The following FOXL3 variants were observed in gnomAD, a reference collection of about 807,000 sequenced individuals.
FOXL3 encodes the protein forkhead box L3, also known as forkhead box protein L3.
FOXL3 carries 16 observed loss-of-function variants against 10.9 expected under a neutral mutation model. The ratio of observed to expected loss-of-function variants is 1.46; its 90% CI spans 0.99 to 2.22. FOXL3 has a LOEUF of 2.22. Among genes scored for constraint, FOXL3 ranks in the 30% most tolerant of loss-of-function variants. FOXL3 has a pLI of 0.00. For synonymous variants in FOXL3, 170 were observed against 152.0 expected (o/e 1.12, Z -0.87); for missense variants, 400 against 337.9 (o/e 1.18, Z -1.44).
At chr7:290,365 A>G (rs575724487) in intron 1 of FOXL3, 89 bp downstream of exon 1, 2 of 1,057,360 alleles carry the variant, frequency 1.9e-6, no homozygotes, top group Non-Finnish European at 2.8e-6. Flanking sequence ...GGGACGAAGG[A>G]AGGGCGGGGG....
chr7:290,271 G>C lies in FOXL3; in HGVS notation c.102G>C (p.Ala34=), dbSNP rs986324566. 4 of 1,535,606 alleles carry C rather than the reference G, an allele frequency of 2.6e-6. No individual in the cohort carries two copies. The East Asian group carries it at 9.8e-5, about 38-fold the overall frequency. ...SDEDKRLTRP[A]YSYIALIAMA... ...AAGACAAGAGGCTCACGCGGCCCGC[G>C]TACAGGTGACTGCGGGGGCGGTGCT... The change falls in exon 1 of 3, where the codon GCG becomes GCC. Residue 34 remains alanine (A), a synonymous_variant. Transcript: ENST00000506382.
In FOXL3 at chr7:290,756, G is replaced by T. The variant is rs1164087248; in HGVS notation, c.211G>T (p.Ala71Ser). ...FIMRKFPYYRANQRAWQNSIR... is the reference protein window; with the variant it reads ...FIMRKFPYYRSNQRAWQNSIR... Reference sequence around the variant, plus strand: ...CATGCGCAAATTCCCCTATTACCGCGCCAACCAGCGCGCCTGGCAGAACTC... The same window carrying T: ...CATGCGCAAATTCCCCTATTACCGCTCCAACCAGCGCGCCTGGCAGAACTC... The change falls in exon 2 of 3, where the codon GCC becomes TCC. Residue 71 changes from alanine to serine, a missense_variant. Transcript: ENST00000506382. The T allele has an allele frequency of 1.3e-6, 2 of 1,491,746 alleles. No individual in the cohort carries two copies. The highest frequency in any genetic ancestry group is 1.8e-6 in the Non-Finnish European group (2 of 1,125,078). The allele number at this position is 1,491,746 out of a possible 1,614,324, so 92.4% of individuals were successfully genotyped here.
Position 291,442 on chromosome 7 carries a change from G to A in FOXL3, c.656G>A (p.Arg219Lys). The stretch of plus-strand genomic sequence containing the variant: ...CCGCCCTGCCTCGCACAAGAGGGCA[G>A]ATACCCGCGGCTGGAGAACGTGGGA... ...LKPPCLAQEG[R>K]YPRLENVGLH... is the part of the protein sequence containing the mutation. The change falls in exon 3 of 3, where the codon AGA becomes AAA. Residue 219 changes from arginine (R) to lysine (K), a missense_variant. Arg to Lys is a conservative substitution (Grantham distance 26). Coordinates refer to ENST00000506382, the MANE Select transcript of FOXL3 (RefSeq NM_001374838.1). 1.6e-6 allele frequency: 2 copies of A among 1,241,726 alleles called. No homozygotes were observed. The highest frequency in any genetic ancestry group is 3.1e-5 in the East Asian group (1 of 31,808). 76.9% of individuals were successfully genotyped at this position (1,241,726 alleles called of 1,614,324 possible).
chr7:291,310 G>T lies in FOXL3; in HGVS notation c.524G>T (p.Arg175Leu). Residue 175 changes from arginine (R) to leucine (L), a missense_variant, in exon 3 of 3, where the codon CGT becomes CTT. Physicochemically the swap from Arg to Leu is moderately radical, Grantham distance 102. Coordinates refer to ENST00000506382, the MANE Select transcript of FOXL3 (RefSeq NM_001374838.1). ...PDSAGEGAPG[R>L]EPPASPAPPG... is the part of the protein sequence containing the mutation. ...AGCGCTGGCGAGGGCGCCCCGGGCC[G>T]TGAGCCCCCCGCCAGCCCCGCTCCC... is the stretch of plus-strand genomic sequence containing the variant. 8.0e-7 allele frequency: 1 copy of T among 1,253,394 alleles called. No homozygotes were observed. The highest frequency in any genetic ancestry group is 3.1e-5 in the East Asian group (1 of 31,766). 77.6% of individuals were successfully genotyped at this position (1,253,394 alleles called of 1,614,324 possible).
Position 290,753 on chromosome 7 carries a change from C to A in FOXL3, c.208C>A (p.Arg70Ser). 6.7e-7 allele frequency: 1 copy of A among 1,494,400 alleles called. No homozygotes were observed. The highest frequency in any genetic ancestry group is 1.4e-5 in the South Asian group (1 of 73,736). The allele number at this position is 1,494,400 out of a possible 1,614,324, so 92.6% of individuals were successfully genotyped here. A position where few individuals can be genotyped will look rare whatever the true frequency, so the allele number is the denominator to read the frequency against. ...CATCATGCGCAAATTCCCCTATTAC[C>A]GCGCCAACCAGCGCGCCTGGCAGAA... ...DFIMRKFPYY[R>S]ANQRAWQNSI... Residue 70 changes from arginine (R) to serine (S), a missense_variant, in exon 2 of 3, where the codon CGC becomes AGC. Arg to Ser is a moderately radical substitution (Grantham distance 110, BLOSUM62 -1). Transcript: ENST00000506382.
chr7:291,114 G>A lies in FOXL3; in HGVS notation c.328G>A (p.Ala110Thr), dbSNP rs1423044849. ...EKGKGNYWTF[A>T]GGCESLLDLF... is the part of the protein sequence containing the mutation. Reference sequence around the variant, plus strand: ...GGGCAAAGGCAACTACTGGACGTTCGCGGGCGGCTGCGAGTCGCTGCTGGA... The same window carrying A: ...GGGCAAAGGCAACTACTGGACGTTCACGGGCGGCTGCGAGTCGCTGCTGGA... Residue 110 changes from alanine (A) to threonine (T), a missense_variant, in exon 3 of 3, where the codon GCG (alanine) becomes ACG (threonine). Transcript: ENST00000506382. 1.1e-5 allele frequency: 16 copies of A among 1,415,776 alleles called. No individual in the cohort carries two copies. The Middle Eastern group carries it at 7.2e-4, about 64-fold the overall frequency. The allele number at this position is 1,415,776 out of a possible 1,614,324, so 87.7% of individuals were successfully genotyped here.
chr7:291,057 G>T lies in FOXL3; in HGVS notation c.277-6G>T. On this transcript the variant is annotated splice_region_variant and splice_polypyrimidine_tract_variant and intron_variant, in intron 2 of 2. Coordinates refer to ENST00000506382, the MANE Select transcript of FOXL3 (RefSeq NM_001374838.1). ...CCGCTCCCAGCCCCTCCCTCCGCGCGCGCAGGTGCCGCGGTCCGAGGGCCA... is the reference window on the plus strand; with the variant it reads ...CCGCTCCCAGCCCCTCCCTCCGCGCTCGCAGGTGCCGCGGTCCGAGGGCCA... 7.2e-7 allele frequency: 1 copy of T among 1,385,074 alleles called. No individual in the cohort carries two copies. The highest frequency in any genetic ancestry group is 9.3e-7 in the Non-Finnish European group (1 of 1,072,878). 85.8% of individuals were successfully genotyped at this position (1,385,074 alleles called of 1,614,324 possible).
intron 2 of FOXL3, 28 bp downstream of exon 2, chr7:290,849 G>T (rs1443873913): frequency 7.2e-7 from 1 of 1,390,062 alleles, no homozygotes; most frequent in South Asian, 1.8e-5. Context: ...CGGGCCCCGG[G>T]TGTCCCAGCG....
At chr7:290,375 G>A (rs894811747) in intron 1 of FOXL3, 99 bp downstream of exon 1, 12 of 999,794 alleles carry the variant, frequency 1.2e-5, no homozygotes, top group African/African-American at 8.1e-5. Flanking sequence ...AAGGGCGGGG[G>A]AGCTTTCTTC....
Position 290,887 on chromosome 7 carries a change from G to A in FOXL3, c.276+66G>A, listed in dbSNP as rs1259233948. On this transcript the variant is annotated intron_variant, in intron 2 of 2. Transcript: ENST00000506382. ...GCGACACCTGCGCCAGGGCCTCGGTGGCGGGGAAGGGAGGGCACCGCGGCG... is the reference window on the plus strand; with the variant it reads ...GCGACACCTGCGCCAGGGCCTCGGTAGCGGGGAAGGGAGGGCACCGCGGCG... 5 of 1,330,140 alleles carry A rather than the reference G, an allele frequency of 3.8e-6. No individual in the cohort carries two copies. The Admixed American group carries it at 1.5e-4, about 41-fold the overall frequency. 82.4% of individuals were successfully genotyped at this position (1,330,140 alleles called of 1,614,324 possible).
chr7:291,166 G>C lies in FOXL3; in HGVS notation c.380G>C (p.Arg127Pro). Reference sequence around the variant, plus strand: ...CTCTTCGAGAACGGCAACTACCGGCGGCGGCGGCGGCGGCGCGGCCCCAAG... The same window carrying C: ...CTCTTCGAGAACGGCAACTACCGGCCGCGGCGGCGGCGGCGCGGCCCCAAG... ...LDLFENGNYR[R>P]RRRRRGPKRE... is the part of the protein sequence containing the mutation. The change falls in exon 3 of 3, where the codon CGG becomes CCG. Residue 127 changes from arginine to proline, a missense_variant. Arg to Pro is a moderately radical substitution (Grantham distance 103, BLOSUM62 -2). Coordinates refer to ENST00000506382, the MANE Select transcript of FOXL3 (RefSeq NM_001374838.1). The C allele has an allele frequency of 7.8e-7, 1 of 1,280,284 alleles. No homozygotes were observed. Among genetic ancestry groups the C allele is most frequent in the Non-Finnish European group, 9.9e-7 (1 of 1,012,498 alleles). The allele number at this position is 1,280,284 out of a possible 1,614,324, so 79.3% of individuals were successfully genotyped here.
Position 291,267 on chromosome 7 carries a change from G to A in FOXL3, c.481G>A (p.Gly161Arg), listed in dbSNP as rs1490113518. 2.8e-5 allele frequency: 34 copies of A among 1,199,186 alleles called. No homozygotes were observed. The highest frequency in any genetic ancestry group is 3.4e-5 in the Non-Finnish European group (33 of 966,564). The allele number at this position is 1,199,186 out of a possible 1,614,324, so 74.3% of individuals were successfully genotyped here. ...SGPSEPPAAQ[G>R]RLAPDSAGEG... The stretch of plus-strand genomic sequence containing the variant: ...TCCGTCCGAGCCGCCCGCCGCTCAG[G>A]GGCGCCTGGCCCCGGACAGCGCTGG... The change falls in exon 3 of 3, where the codon GGG (glycine) becomes AGG (arginine). Residue 161 changes from glycine (G) to arginine (R), a missense_variant. By Grantham distance (125) the Gly-to-Arg change is moderately radical (BLOSUM62 -2). Transcript: ENST00000506382.
Position 290,692 on chromosome 7 carries a change from C to G in FOXL3, c.147C>G (p.Pro49=). ...ALIAMAIQQS[P]AGRVTLSGIY... ...TCGCCATGGCCATTCAGCAGAGCCC[C>G]GCGGGGAGGGTGACCCTGTCCGGCA... The change falls in exon 2 of 3, where the codon CCC becomes CCG. Residue 49 remains proline, a synonymous_variant. Coordinates refer to ENST00000506382, the MANE Select transcript of FOXL3 (RefSeq NM_001374838.1). 6.9e-7 allele frequency: 1 copy of G among 1,448,538 alleles called. No individual in the cohort carries two copies. The highest frequency in any genetic ancestry group is 9.0e-7 in the Non-Finnish European group (1 of 1,106,180). The allele number at this position is 1,448,538 out of a possible 1,614,324, so 89.7% of individuals were successfully genotyped here. A position where few individuals can be genotyped will look rare whatever the true frequency, so the allele number is the denominator to read the frequency against.
intron 2 of FOXL3, 43 bp from the exon 3 acceptor site, chr7:291,020 C>G (rs1216666498): frequency 1.1e-5 from 15 of 1,334,362 alleles, no homozygotes; most frequent in South Asian, 1.9e-5. Context: ...GCGGGCGCAC[C>G]GTGCAGCGGA....
At position 291,116 on chromosome 7, in the gene FOXL3, G is replaced by A. The variant is rs951905065; in HGVS notation, c.330G>A (p.Ala110=). The A allele has an allele frequency of 6.4e-6, 9 of 1,415,802 alleles. No individual in the cohort carries two copies. The Admixed American group carries it at 1.8e-4, about 28-fold the overall frequency. The allele number at this position is 1,415,802 out of a possible 1,614,324, so 87.7% of individuals were successfully genotyped here. The change falls in exon 3 of 3, where the codon GCG becomes GCA. Residue 110 remains alanine (A), a synonymous_variant. Transcript: ENST00000506382. ...GCAAAGGCAACTACTGGACGTTCGC[G>A]GGCGGCTGCGAGTCGCTGCTGGACC... ...EKGKGNYWTF[A]GGCESLLDLF... is the part of the protein sequence containing the mutation.
At position 291,021 on chromosome 7, in the gene FOXL3, G is replaced by C. The variant is rs528154841; in HGVS notation, c.277-42G>C. The C allele has an allele frequency of 6.3e-4, 848 of 1,348,168 alleles. 4 individuals are homozygous for C. In the African/African-American group the frequency reaches 0.012, roughly 19 times the overall value. The allele number at this position is 1,348,168 out of a possible 1,614,324, so 83.5% of individuals were successfully genotyped here. Reference sequence around the variant, plus strand: ...AGGGGACAAGGCGGGCGGGCGCACCGTGCAGCGGAGCCGCTCCCAGCCCCT... The same window carrying C: ...AGGGGACAAGGCGGGCGGGCGCACCCTGCAGCGGAGCCGCTCCCAGCCCCT... On this transcript the variant is annotated intron_variant, in intron 2 of 2. Coordinates refer to ENST00000506382, the MANE Select transcript of FOXL3 (RefSeq NM_001374838.1).
chr7:290,745 C>A lies in FOXL3; in HGVS notation c.200C>A (p.Pro67His). The A allele has an allele frequency of 6.7e-7, 1 of 1,498,246 alleles. No homozygotes were observed. The highest frequency in any genetic ancestry group is 2.6e-5 in the East Asian group (1 of 38,008). 92.8% of individuals were successfully genotyped at this position (1,498,246 alleles called of 1,614,324 possible). ...TACGACTTCATCATGCGCAAATTCC[C>A]CTATTACCGCGCCAACCAGCGCGCC... ...GIYDFIMRKF[P>H]YYRANQRAWQ... The change falls in exon 2 of 3, where the codon CCC becomes CAC. Residue 67 changes from proline to histidine, a missense_variant. Pro to His is a moderately conservative substitution (Grantham distance 77). Coordinates refer to ENST00000506382, the MANE Select transcript of FOXL3 (RefSeq NM_001374838.1).
In FOXL3 at chr7:290,205, C is replaced by CAA; in HGVS notation, c.37_38dup (p.Asn13LysfsTer29). On this transcript the variant is annotated frameshift_variant, in exon 1 of 3. Coordinates refer to ENST00000506382, the MANE Select transcript of FOXL3 (RefSeq NM_001374838.1). LOFTEE classifies it high-confidence loss of function. ...GCTCGCAGTATCCCTACAACTGCTT[C>CAA]AATTACGACGCCGACGACTACCCCG... 1 of 1,535,976 alleles carries CAA rather than the reference C, an allele frequency of 6.5e-7. No homozygotes were observed. Among genetic ancestry groups the CAA allele is most frequent in the Non-Finnish European group, 8.7e-7 (1 of 1,146,788 alleles).
intron 2 of FOXL3, 84 bp downstream of exon 2, chr7:290,905 C>G: frequency 7.6e-7 from 1 of 1,309,604 alleles, no homozygotes; most frequent in Non-Finnish European, 9.7e-7. Context: ...AGGGAGGGCA[C>G]CGCGGCGGCT....
Sources: gnomAD v4.1 joint callset for allele counts on GRCh38, gnomAD v4.1.1 for gene constraint, MANE v1.5 for transcripts, NCBI Gene and HGNC (gene_info 2026-07-23, HGNC 2026-07-21) for gene names.